The following CDH9 variants were observed in gnomAD, a reference collection of about 807,000 sequenced individuals.
The protein encoded by CDH9 is cadherin-9.
CDH9 carries 28 observed loss-of-function variants against 70.9 expected under a neutral mutation model. The observed-to-expected ratio is 0.40, with a 90% CI of 0.29 to 0.54. The LOEUF (loss-of-function observed/expected upper bound fraction) is 0.54. CDH9 is among the 20% of genes least tolerant of loss of function. The probability of loss-of-function intolerance (pLI) is 0.59; values close to 1 mark genes in which losing one functional copy is unlikely to be tolerated. For missense variants in CDH9, 874 were observed against 984.4 expected (o/e 0.89, Z 1.50); for synonymous variants, 409 against 343.1 (o/e 1.19, Z -2.12).
intron 1 of CDH9, among the ~76,000 whole-genome samples, chr5:27,018,146 T>G (rs1208276065): frequency 6.6e-6 from 1 of 151,880 alleles, no homozygotes; most frequent in African/African-American, 2.4e-5. Flanking sequence ...TGGATTGACT[T>G]CTATATTACA....
At chr5:26,961,696 A>G (rs1742037575) in intron 2 of CDH9, among the ~76,000 whole-genome samples, 1 of 152,194 alleles carries the variant, frequency 6.6e-6, no homozygotes, top group South Asian at 2.1e-4. Flanking sequence ...AAACCAACCA[A>G]TTAACCTACC....
chr5:26,966,998 T>C (rs1161433746), intron 2 of CDH9, among the ~76,000 whole-genome samples: 1 of 152,118 alleles, frequency 6.6e-6, no homozygotes, highest in African/African-American at 2.4e-5. Flanking sequence ...AGTGGTGAGA[T>C]CACAGCTCGT....
chr5:27,019,789 C>A (rs1743106402), intron 1 of CDH9, among the ~76,000 whole-genome samples: 1 of 151,754 alleles, frequency 6.6e-6, no homozygotes. Flanking sequence ...CTTATATATC[C>A]TTTGAAATAA....
chr5:26,960,016 G>A (rs969635351), intron 2 of CDH9, among the ~76,000 whole-genome samples: 4 of 151,968 alleles, frequency 2.6e-5, no homozygotes, highest in African/African-American at 9.7e-5. Flanking sequence ...TTAATTTTAT[G>A]TTAATAACAC....
At chr5:27,028,242 G>C (rs757104086) in intron 1 of CDH9, 2 of 152,014 alleles carry the variant, frequency 1.3e-5, no homozygotes, top group Non-Finnish European at 2.9e-5. Flanking sequence ...AGCTGGGAAT[G>C]TTGGCACGCA....
intron 1 of CDH9, among the ~76,000 whole-genome samples, chr5:26,996,739 T>C (rs1424708870): frequency 1.3e-5 from 2 of 151,354 alleles, no homozygotes; most frequent in Non-Finnish European, 3.0e-5. Context: ...TATATCTATA[T>C]CTCTATATAT....
At chr5:26,975,627 A>G (rs1742292264) in intron 2 of CDH9, among the ~76,000 whole-genome samples, 1 of 152,188 alleles carries the variant, frequency 6.6e-6, no homozygotes, top group African/African-American at 2.4e-5. Context: ...TTTTCTCTTC[A>G]CAAAGTTGTT....
intron 2 of CDH9, among the ~76,000 whole-genome samples, chr5:26,942,276 C>T (rs2112036812): frequency 6.6e-6 from 1 of 152,262 alleles, no homozygotes; most frequent in East Asian, 1.9e-4. Flanking sequence ...AGTAACCACC[C>T]CCACAATTCA....
At chr5:26,944,688 A>T (rs1741718056) in intron 2 of CDH9, among the ~76,000 whole-genome samples, 1 of 152,158 alleles carries the variant, frequency 6.6e-6, no homozygotes, top group African/African-American at 2.4e-5. Context: ...AAATAAAAAG[A>T]TAATTTATTA....
At chr5:26,916,049 T>G in intron 2 of CDH9, 125 bp from the exon 3 acceptor site, 1 of 612,692 alleles carries the variant, frequency 1.6e-6, no homozygotes, top group Admixed American at 3.1e-5. Context: ...ATGGTTATCT[T>G]GACTTTTGCT....
At chr5:26,969,548 C>T (rs1742182729) in intron 2 of CDH9, among the ~76,000 whole-genome samples, 1 of 151,970 alleles carries the variant, frequency 6.6e-6, no homozygotes, top group Non-Finnish European at 1.5e-5. Flanking sequence ...ATTAAGGAGC[C>T]TATTTTTGTA....
chr5:26,924,885 C>A (rs1185685061), intron 2 of CDH9, among the ~76,000 whole-genome samples: 2 of 151,958 alleles, frequency 1.3e-5, no homozygotes, highest in African/African-American at 2.4e-5. Flanking sequence ...ATGAACTCAA[C>A]ATTTTTTATG....
chr5:26,970,959 A>T (rs1460066844), intron 2 of CDH9, among the ~76,000 whole-genome samples: 3 of 152,132 alleles, frequency 2.0e-5, no homozygotes, highest in African/African-American at 7.2e-5. Flanking sequence ...AAATTTTCTG[A>T]TCCATAGAGG....
rs114724102 is a variant in CDH9, at chr5:26,978,098, T to G, written c.228+10008A>C. 9.5e-3 allele frequency among the ~76,000 whole-genome samples: 1,441 copies of G among 152,170 alleles called. 28 individuals are homozygous for G. Among genetic ancestry groups the G allele is most frequent in the African/African-American group, 0.033 (1,364 of 41,532 alleles). On this transcript the variant is annotated intron_variant, in intron 2 of 11. Transcript: ENST00000231021. The stretch of plus-strand genomic sequence containing the variant: ...CTTTAAAGCAAGATAATAGAATTTC[T>G]GTAATGTGTTAATCACAATGTCTAG...
intron 1 of CDH9, among the ~76,000 whole-genome samples, chr5:27,019,267 A>T (rs947899354): frequency 3.2e-4 from 49 of 152,200 alleles, no homozygotes; most frequent in African/African-American, 1.2e-3. Context: ...AGCAATGGAG[A>T]TGCAGATATT....
At chr5:27,026,261 A>G (rs1743219774) in intron 1 of CDH9, among the ~76,000 whole-genome samples, 1 of 152,032 alleles carries the variant, frequency 6.6e-6, no homozygotes, top group Non-Finnish European at 1.5e-5. Context: ...TTGCTGAGAT[A>G]AGCATAATAT....
At chr5:26,988,059 A>G (rs761193711) in intron 2 of CDH9, 47 bp downstream of exon 2, 10 of 1,377,530 alleles carry the variant, frequency 7.3e-6, no homozygotes, top group East Asian at 4.7e-5. Context: ...AAAAAAATAA[A>G]TAGCTGTCAC....
At chr5:26,900,378 T>C (rs749115683) in intron 7 of CDH9, among the ~76,000 whole-genome samples, 2 of 151,958 alleles carry the variant, frequency 1.3e-5, no homozygotes, top group Non-Finnish European at 2.9e-5. Context: ...ACAAAAACAT[T>C]ACAGAAAAAC....
chr5:26,891,973 C>T (rs751485069), intron 7 of CDH9, among the ~76,000 whole-genome samples: 3 of 152,092 alleles, frequency 2.0e-5, no homozygotes, highest in Admixed American at 6.6e-5. Flanking sequence ...GAAGCAATTC[C>T]CTGCCTAGAA....
Sources: allele counts gnomAD v4.1 joint callset (sites outside exome capture counted in the v4.1 genomes callset), GRCh38; gene constraint gnomAD v4.1.1; transcripts MANE v1.5; gene names NCBI Gene and HGNC (gene_info 2026-07-23, HGNC 2026-07-21).